Variants in ACTN3 observed in about 807,000 individuals in gnomAD.
ACTN3 encodes the protein actinin alpha 3.
ACTN3 carries 91 observed loss-of-function variants against 119.6 expected under a neutral mutation model. That is an observed-to-expected ratio of 0.76 (90% CI 0.64 to 0.91). The LOEUF is 0.91. Among genes scored for constraint, ACTN3 ranks in the 40% least tolerant of loss-of-function variants. The pLI is 0.00. For missense variants in ACTN3, 1,221 were observed against 1,215.1 expected (o/e 1.00, Z -0.07); for synonymous variants, 456 against 478.8 (o/e 0.95, Z 0.62).
intron 12 of ACTN3, 45 bp downstream of exon 12, chr11:66,559,431 G>A (rs770908882): frequency 8.3e-7 from 1 of 1,208,186 alleles, no homozygotes; most frequent in Non-Finnish European, 1.0e-6. Flanking sequence ...CCCCGGCCCC[G>A]CCCCCGGTGG....
chr11:66,560,454 G>A lies in ACTN3; in HGVS notation c.1678-119G>A, dbSNP rs186359307. ...GTGCTGGGCTGGAAGACAGGAGGCC[G>A]GGGTTCTTGTGTCAGGACTGCCCAG... On this transcript the variant is annotated intron_variant, in intron 14 of 20. Transcript: ENST00000513398. 1,442 of 1,468,460 alleles carry A rather than the reference G, an allele frequency of 9.8e-4. 32 individuals carry two copies. In the East Asian group the frequency reaches 0.03, roughly 31 times the overall value. 91.0% of individuals were successfully genotyped at this position (1,468,460 alleles called of 1,614,324 possible).
At chr11:66,558,889 T>G (rs907706871) in intron 11 of ACTN3, 16 of 247,416 alleles carry the variant, frequency 6.5e-5, no homozygotes, top group South Asian at 1.7e-4. Flanking sequence ...AAACATCCAT[T>G]CATTGTTCTG....
At chr11:66,553,440 C>T (rs1411248581) in intron 3 of ACTN3, among the ~76,000 whole-genome samples, 1 of 147,764 alleles carries the variant, frequency 6.8e-6, no homozygotes, top group African/African-American at 2.5e-5. Context: ...CTGTAGTCCC[C>T]GCTATTAGGG....
chr11:66,552,521 G>A (rs1028832089), intron 3 of ACTN3, among the ~76,000 whole-genome samples: 20 of 152,154 alleles, frequency 1.3e-4, no homozygotes, highest in Admixed American at 1.2e-3. Flanking sequence ...CGGAAGGATT[G>A]TTTGAGCCCG....
chr11:66,553,397 T>C (rs1857517345), intron 3 of ACTN3, among the ~76,000 whole-genome samples: 1 of 149,966 alleles, frequency 6.7e-6, no homozygotes, highest in South Asian at 2.1e-4. Flanking sequence ...CTCCTAAAAA[T>C]ACAAAAAAAT....
At position 66,561,313 on chromosome 11, in the gene ACTN3, T is replaced by C. The variant is rs1332739610; in HGVS notation, c.1947T>C (p.Phe649=). The change falls in exon 16 of 21, where the codon TTT becomes TTC. Residue 649 remains phenylalanine (F), a synonymous_variant. Transcript: ENST00000513398. ...TAAACGAGAGGCTCCGGCGACAGTT[T>C]GCGGCCCAGGCCAATGCCATTGGAC... The part of the protein sequence containing the change: ...QQVNERLRRQ[F]AAQANAIGPW... 1 of 1,611,314 alleles carries C rather than the reference T, an allele frequency of 6.2e-7. No homozygotes were observed. The highest frequency in any genetic ancestry group is 1.1e-5 in the South Asian group (1 of 90,564).
intron 12 of ACTN3, 64 bp from the exon 13 acceptor site, chr11:66,559,904 G>C (rs1857703641): frequency 1.4e-6 from 2 of 1,481,412 alleles, no homozygotes; most frequent in Non-Finnish European, 1.8e-6. Flanking sequence ...TTCCAGCCCT[G>C]GGAGTGCAGT....
Position 66,550,059 on chromosome 11 carries a change from C to T in ACTN3, c.148-1180C>T, listed in dbSNP as rs943965448. Among the ~76,000 whole-genome samples the T allele has an allele frequency of 1.2e-4, 18 of 152,336 alleles. No homozygotes were observed. In the East Asian group the frequency reaches 1.7e-3, roughly 15 times the overall value. On this transcript the variant is annotated intron_variant, in intron 1 of 20. Coordinates refer to ENST00000513398, the MANE Select transcript of ACTN3 (RefSeq NM_001104.4). The stretch of plus-strand genomic sequence containing the variant: ...GGCTGAGGGGAAGAATTCCAAATGG[C>T]TCCCAGGGCCACCTCCCAGGAGTAT...
chr11:66,556,145 A>G lies in ACTN3; in HGVS notation c.719A>G (p.Asp240Gly). The G allele has an allele frequency of 6.2e-7, 1 of 1,613,080 alleles. No homozygotes were observed. Among genetic ancestry groups the G allele is most frequent in the Non-Finnish European group, 8.5e-7 (1 of 1,179,478 alleles). Residue 240 changes from aspartate (D) to glycine (G), a missense_variant and splice_region_variant, in exon 8 of 21, where the codon GAC becomes GGC. Physicochemically the swap from Asp to Gly is moderately conservative, Grantham distance 94. This residue lies in a region of ACTN3 where 934 missense variants were observed against 899.9 expected (regional missense o/e 1.04). Coordinates refer to ENST00000513398, the MANE Select transcript of ACTN3 (RefSeq NM_001104.4). Reference protein sequence around the residue: ...LDIPKMLDAEDIVNTPKPDEK... With the variant: ...LDIPKMLDAEGIVNTPKPDEK... ...TAGACACCGTGCTGTCCTCCCCTAG[A>G]CATTGTGAACACCCCAAAGCCGGAT...
rs1263304528 is a variant in ACTN3, at chr11:66,560,087, G to A, written c.1536+11G>A. On this transcript the variant is annotated intron_variant, in intron 13 of 20. Transcript: ENST00000513398. ...CGGGATGCGCTAGAGGTGGGGCTGG[G>A]GGCCGGGGAGCTGGGGGGTGGGTAG... is the stretch of plus-strand genomic sequence containing the variant. 6.4e-7 allele frequency: 1 copy of A among 1,556,008 alleles called. No homozygotes were observed. Among genetic ancestry groups the A allele is most frequent in the African/African-American group, 1.4e-5 (1 of 73,640 alleles).
intron 19 of ACTN3, 167 bp downstream of exon 19, chr11:66,562,489 C>G (rs189615138): frequency 3.0e-6 from 1 of 328,336 alleles, no homozygotes; most frequent in Admixed American, 6.5e-5. Context: ...GGACCCAGTT[C>G]TGTGTGGACC....
Position 66,560,058 on chromosome 11 carries a change from G to A in ACTN3, c.1518G>A (p.Lys506=). The change falls in exon 13 of 21, where the codon AAG becomes AAA. Residue 506 remains lysine (K), a synonymous_variant. Coordinates refer to ENST00000513398, the MANE Select transcript of ACTN3 (RefSeq NM_001104.4). ...QWDNLGTLTQ[K]RRDALERMEK... ...ACAACCTGGGCACCCTGACCCAGAA[G>A]AGGCGGGATGCGCTAGAGGTGGGGC... 4 of 1,597,984 alleles carry A rather than the reference G, an allele frequency of 2.5e-6. No individual in the cohort carries two copies. The highest frequency in any genetic ancestry group is 2.2e-4 in the Middle Eastern group (1 of 4,484).
chr11:66,562,950 A>G lies in ACTN3; in HGVS notation c.2543A>G (p.Asp848Gly). Residue 848 changes from aspartate to glycine, a missense_variant, in exon 20 of 21, where the codon GAC becomes GGC. Asp to Gly is a moderately conservative substitution (Grantham distance 94). Around this residue, in one of 3 missense-constraint regions of ACTN3, gnomAD observed 934 missense variants for 899.9 expected, o/e 1.04. Transcript: ENST00000513398. ...VVASFKILAG[D>G]KNYITPEELR... ...GCTTCCTTCAAGATCTTGGCAGGAG[A>G]CAAGGTGAGTCCCAGGCGGTGGAGG... 6.2e-7 allele frequency: 1 copy of G among 1,612,958 alleles called. No individual in the cohort carries two copies. The highest frequency in any genetic ancestry group is 1.1e-5 in the South Asian group (1 of 90,966).
At chr11:66,560,991 T>G (rs1421244540) in intron 15 of ACTN3, among the ~76,000 whole-genome samples, 14 of 149,780 alleles carry the variant, frequency 9.3e-5, no homozygotes. Context: ...AAGCCTTGTG[T>G]GTGGACATCT....
chr11:66,557,969 G>A (rs775177821), intron 10 of ACTN3, 40 bp downstream of exon 10: 15 of 1,612,820 alleles, frequency 9.3e-6, no homozygotes, highest in East Asian at 6.7e-5. Context: ...CTTGAGGTCC[G>A]TATCCCATCT....
intron 9 of ACTN3, 37 bp downstream of exon 9, chr11:66,557,262 G>A (rs1382649906): frequency 6.5e-7 from 1 of 1,537,196 alleles, no homozygotes; most frequent in East Asian, 2.5e-5. Flanking sequence ...CCCCACCCCA[G>A]CCCTACTGGC....
In ACTN3 at chr11:66,557,150, C is replaced by T. The variant is rs1857607759; in HGVS notation, c.822C>T (p.Asn274=). 4 of 1,552,912 alleles carry T rather than the reference C, an allele frequency of 2.6e-6. No homozygotes were observed. The highest frequency in any genetic ancestry group is 1.2e-5 in the South Asian group (1 of 84,090). ...AGAEQAETAA[N]RICKVLAVNQ... is the part of the protein sequence containing the mutation. ...CCCCACAGGCAGAGACAGCTGCCAA[C>T]AGGATCTGCAAGGTGCTGGCAGTGA... Residue 274 remains asparagine (N), a synonymous_variant, in exon 9 of 21, where the codon AAC becomes AAT. Transcript: ENST00000513398.
At position 66,563,238 on chromosome 11, in the gene ACTN3, C is replaced by T. The variant is rs772667421; in HGVS notation, c.*45C>T. On this transcript the variant is annotated 3_prime_UTR_variant, in exon 21 of 21. Coordinates refer to ENST00000513398, the MANE Select transcript of ACTN3 (RefSeq NM_001104.4). ...CTATGCAAGATGGAGAGAGGATGCACCCTGTGGCTGATCCCATCCGTCCCT... is the reference window on the plus strand; with the variant it reads ...CTATGCAAGATGGAGAGAGGATGCATCCTGTGGCTGATCCCATCCGTCCCT... The T allele has an allele frequency of 1.3e-6, 2 of 1,546,740 alleles. No homozygotes were observed. Among genetic ancestry groups the T allele is most frequent in the African/African-American group, 2.7e-5 (2 of 72,898 alleles).
Position 66,554,045 on chromosome 11 carries a change from A to C in ACTN3, c.383A>C (p.Glu128Ala), listed in dbSNP as rs1857533173. 4 of 1,613,536 alleles carry C rather than the reference A, an allele frequency of 2.5e-6. No homozygotes were observed. The highest frequency in any genetic ancestry group is 2.2e-5 in the South Asian group (2 of 91,066). ...GVKLVSIGAEEIVDGNLKMTL... is the reference protein window; with the variant it reads ...GVKLVSIGAEAIVDGNLKMTL... ...CTGTCCCCTGACCCCTGCCCTGCAG[A>C]GATTGTTGACGGGAACCTGAAGATG... is the stretch of plus-strand genomic sequence containing the variant. Residue 128 changes from glutamate (E) to alanine (A), a missense_variant and splice_region_variant, in exon 4 of 21, where the codon GAG becomes GCG. By Grantham distance (107) the Glu-to-Ala change is moderately radical (BLOSUM62 -1). Transcript: ENST00000513398.
Sources: allele counts gnomAD v4.1 joint callset (sites outside exome capture counted in the v4.1 genomes callset), GRCh38; gene constraint gnomAD v4.1.1; regional missense constraint gnomAD v4.1.1; transcripts MANE v1.5; gene names NCBI Gene and HGNC (gene_info 2026-07-23, HGNC 2026-07-21).